Variants in RBM19 observed in about 807,000 individuals in gnomAD.
The protein encoded by RBM19 is probable RNA-binding protein 19.
A neutral mutation model predicts 116.8 loss-of-function variants in RBM19; 94 were observed. The ratio of observed to expected loss-of-function variants is 0.80; its 90% CI spans 0.68 to 0.95. RBM19 has a LOEUF of 0.95. Ranked by LOEUF, RBM19 falls within the 40% of genes least tolerant of loss-of-function variation. The probability of loss-of-function intolerance (pLI) is 0.00; values close to 1 mark genes in which losing one functional copy is unlikely to be tolerated. For synonymous variants in RBM19, 475 were observed against 494.1 expected, an observed-to-expected ratio of 0.96 and a Z score of 0.51; for missense variants, 1,161 against 1,220.7, an observed-to-expected ratio of 0.95 and a Z score of 0.73.
At chr12:113,939,726 G>C (rs377553522) in intron 15 of RBM19, among the ~76,000 whole-genome samples, 43 of 151,790 alleles carry the variant, frequency 2.8e-4, no homozygotes, top group East Asian at 2.7e-3. Flanking sequence ...CTCCAGCCTG[G>C]GTGACAGAGC....
intron 2 of RBM19, among the ~76,000 whole-genome samples, chr12:113,960,618 C>T (rs1872411061): frequency 6.6e-6 from 1 of 152,126 alleles, no homozygotes; most frequent in Admixed American, 6.5e-5. Flanking sequence ...GGCTCTGGAA[C>T]CTGAGTTCTT....
Position 113,947,444 on chromosome 12 carries a change from A to G in RBM19, c.1297T>C (p.Tyr433His). The G allele has an allele frequency of 6.2e-7, 1 of 1,606,346 alleles. No individual in the cohort carries two copies. The highest frequency in any genetic ancestry group is 1.1e-5 in the South Asian group (1 of 90,792). The change falls in exon 11 of 24, where the codon TAC becomes CAC. Residue 433 changes from tyrosine to histidine, a missense_variant. By Grantham distance (83) the Tyr-to-His change is moderately conservative (BLOSUM62 2). Transcript: ENST00000261741. Reference sequence around the variant, plus strand: ...TTCTTGGTCAGGCTGTCGATGGGGTAGTGGAGCTCAGACAGGGGACCTGAG... The same window carrying G: ...TTCTTGGTCAGGCTGTCGATGGGGTGGTGGAGCTCAGACAGGGGACCTGAG... ...SKYGPLSELHYPIDSLTKKPK... is the reference protein window; with the variant it reads ...SKYGPLSELHHPIDSLTKKPK...
intron 2 of RBM19, among the ~76,000 whole-genome samples, chr12:113,960,611 T>C (rs1048135382): frequency 1.3e-5 from 2 of 152,162 alleles, no homozygotes; most frequent in African/African-American, 4.8e-5. Flanking sequence ...GTCTCTGGGC[T>C]CTGGAACCTG....
chr12:113,958,100 G>C, intron 5 of RBM19, 50 bp from the exon 6 acceptor site: 2 of 1,555,414 alleles, frequency 1.3e-6, no homozygotes, highest in East Asian at 2.2e-5. Flanking sequence ...GCAAACCAGA[G>C]GTCAGAGGTA....
At chr12:113,882,560 T>C (rs1171885815) in intron 21 of RBM19, among the ~76,000 whole-genome samples, 1 of 152,212 alleles carries the variant, frequency 6.6e-6, no homozygotes, top group Non-Finnish European at 1.5e-5. Context: ...GCCTGCTCAG[T>C]ACTGAAAAGA....
At chr12:113,957,409 C>T (rs1005346715) in intron 6 of RBM19, among the ~76,000 whole-genome samples, 3 of 151,848 alleles carry the variant, frequency 2.0e-5, no homozygotes, top group Non-Finnish European at 4.4e-5. Flanking sequence ...AACCCCATTT[C>T]GACTAAAAAT....
In RBM19 at chr12:113,937,076, G is replaced by C; in HGVS notation, c.1999C>G (p.Pro667Ala). ...APVGVFSSTA[P>A]QKKKLQDTPS... ...GTGTCTTGGAGCTTTTTCTTCTGTG[G>C]GGCTGTGCTGGAGAAGACGCCAACT... Residue 667 changes from proline to alanine, a missense_variant, in exon 16 of 24, where the codon CCA becomes GCA. Transcript: ENST00000261741. 2 of 1,614,072 alleles carry C rather than the reference G, an allele frequency of 1.2e-6. No individual in the cohort carries two copies. Among genetic ancestry groups the C allele is most frequent in the Non-Finnish European group, 1.7e-6 (2 of 1,179,984 alleles).
At chr12:113,920,757 G>A (rs1239530158) in intron 18 of RBM19, 67 bp from the exon 19 acceptor site, 10 of 1,420,484 alleles carry the variant, frequency 7.0e-6, no homozygotes, top group Admixed American at 1.7e-5. Context: ...TGCAAGGGCT[G>A]TGACGGGCCC....
At chr12:113,868,387 A>G (rs1878991431) in intron 21 of RBM19, among the ~76,000 whole-genome samples, 2 of 152,236 alleles carry the variant, frequency 1.3e-5, no homozygotes, top group African/African-American at 4.8e-5. Flanking sequence ...TTTCATAAAA[A>G]TAGAGTTTTA....
chr12:113,874,882 A>G (rs959283903), intron 21 of RBM19, among the ~76,000 whole-genome samples: 2 of 152,238 alleles, frequency 1.3e-5, no homozygotes, highest in Non-Finnish European at 2.9e-5. Flanking sequence ...GGGAGCGGGC[A>G]TGGTCACTGA....
intron 6 of RBM19, among the ~76,000 whole-genome samples, chr12:113,957,163 C>G (rs1392091519): frequency 6.6e-6 from 1 of 152,204 alleles, no homozygotes; most frequent in Non-Finnish European, 1.5e-5. Flanking sequence ...ACATCCACAG[C>G]CTGGCACCCC....
chr12:113,849,668 C>T lies in RBM19; in HGVS notation c.2665-4880G>A, dbSNP rs183808542. 9.8e-5 allele frequency among the ~76,000 whole-genome samples: 15 copies of T among 152,314 alleles called. No homozygotes were observed. In the East Asian group the frequency reaches 2.9e-3, roughly 29 times the overall value. On this transcript the variant is annotated intron_variant, in intron 22 of 23. Coordinates refer to ENST00000261741, the MANE Select transcript of RBM19 (RefSeq NM_016196.4). ...ATGGCTCGAGAGATCGCATGTCAGA[C>T]CCCCAGATGGTCTGCTGGAGAGGCC... is the stretch of plus-strand genomic sequence containing the variant.
At chr12:113,918,219 C>T (rs187424570) in intron 20 of RBM19, among the ~76,000 whole-genome samples, 173 bp downstream of exon 20, 22 of 151,998 alleles carry the variant, frequency 1.4e-4, no homozygotes, top group Admixed American at 8.5e-4. Flanking sequence ...AAATCAGGGT[C>T]GGACTTGGTA....
intron 21 of RBM19, among the ~76,000 whole-genome samples, chr12:113,910,124 C>T (rs1466502267): frequency 6.6e-6 from 1 of 152,164 alleles, no homozygotes; most frequent in Non-Finnish European, 1.5e-5. Flanking sequence ...CTGAAACGCG[C>T]TCCTTAGCAG....
intron 21 of RBM19, among the ~76,000 whole-genome samples, chr12:113,889,219 T>G (rs977591463): frequency 2.0e-5 from 3 of 152,188 alleles, no homozygotes; most frequent in African/African-American, 7.2e-5. Flanking sequence ...AGCAGCACCC[T>G]TCAGGTTGCA....
chr12:113,935,504 T>A (rs78256755), intron 16 of RBM19, among the ~76,000 whole-genome samples: 2,563 of 151,924 alleles, frequency 0.017, 25 homozygotes, highest in Non-Finnish European at 0.026. Flanking sequence ...CGAGCAGGAG[T>A]CGGGCTTTCA....
At chr12:113,924,521 A>T (rs1028382137) in intron 18 of RBM19, among the ~76,000 whole-genome samples, 176 bp downstream of exon 18, 5 of 152,168 alleles carry the variant, frequency 3.3e-5, no homozygotes, top group Non-Finnish European at 7.3e-5. Flanking sequence ...ACTCCAGGGG[A>T]ACAGAAAGAG....
At chr12:113,936,258 C>T (rs1021390153) in intron 16 of RBM19, among the ~76,000 whole-genome samples, 4 of 152,114 alleles carry the variant, frequency 2.6e-5, no homozygotes, top group Non-Finnish European at 5.9e-5. Flanking sequence ...CAAGGAAAAT[C>T]GTAACATCTG....
rs1345738589 is a variant in RBM19, at chr12:113,903,197, C to G, written c.2558+11772G>C. 6.6e-6 allele frequency among the ~76,000 whole-genome samples: 1 copy of G among 152,170 alleles called. No homozygotes were observed. Among genetic ancestry groups the G allele is most frequent in the Non-Finnish European group, 1.5e-5 (1 of 68,026 alleles). ...AAATCCAAGGATGCTCAAGTCCCTT[C>G]TGCATTATTTTCGATCTGTGGTTGG... On this transcript the variant is annotated intron_variant, in intron 21 of 23. Transcript: ENST00000261741. This position sits in a 1 kb window ranked among gnomAD's most constrained non-coding sequence, Gnocchi z 5.1.
Sources: gnomAD v4.1 joint callset for allele counts (sites outside exome capture counted in the v4.1 genomes callset) on GRCh38, gnomAD v4.1.1 for gene constraint, Gnocchi (gnomAD v3.1) non-coding constraint, MANE v1.5 for transcripts, NCBI Gene and HGNC (gene_info 2026-07-23, HGNC 2026-07-21) for gene names.